The following SHE variants were observed in gnomAD, a reference collection of about 807,000 sequenced individuals.
The protein encoded by SHE is SH2 domain-containing adapter protein E.
Under a neutral mutation model 49.8 loss-of-function variants are expected in SHE, and 11 were observed. The observed-to-expected ratio is 0.22, with a 90% CI of 0.14 to 0.37. The LOEUF (loss-of-function observed/expected upper bound fraction) is 0.37. Ranked by LOEUF, SHE falls within the 10% of genes least tolerant of loss-of-function variation. The probability of loss-of-function intolerance (pLI) is 1.00; values close to 1 mark genes in which losing one functional copy is unlikely to be tolerated. For synonymous variants in SHE, 310 were observed against 278.1 expected, an observed-to-expected ratio of 1.11 and a Z score of -1.14; for missense variants, 624 against 655.5, an observed-to-expected ratio of 0.95 and a Z score of 0.52.
chr1:154,497,169 C>T (rs375706611), intron 2 of SHE, among the ~76,000 whole-genome samples: 3 of 152,346 alleles, frequency 2.0e-5, no homozygotes, highest in East Asian at 3.9e-4. Context: ...AAGCAGGAAG[C>T]GGAGCCAGGC....
chr1:154,491,890 T>C (rs766996220), intron 2 of SHE, among the ~76,000 whole-genome samples: 9 of 152,026 alleles, frequency 5.9e-5, no homozygotes, highest in African/African-American at 1.9e-4. Context: ...CCTTCAGTTA[T>C]GGGTGGCTGG....
At chr1:154,474,200 G>C (rs977300900) in intron 1 of SHE, among the ~76,000 whole-genome samples, 23 of 152,196 alleles carry the variant, frequency 1.5e-4, no homozygotes, top group African/African-American at 5.3e-4. Context: ...GGTTTGTCAC[G>C]TTTATCAGTG....
At chr1:154,499,262 G>A (rs781545853) in intron 1 of SHE, 24 bp from the exon 2 acceptor site, 11 of 1,605,916 alleles carry the variant, frequency 6.8e-6, no homozygotes, top group Non-Finnish European at 9.4e-6. Flanking sequence ...AGAGAGGACA[G>A]TTGCTAAGGG....
chr1:154,490,665 G>A (rs1399489876), intron 2 of SHE, among the ~76,000 whole-genome samples: 1 of 152,214 alleles, frequency 6.6e-6, no homozygotes, highest in Non-Finnish European at 1.5e-5. Flanking sequence ...AGGCCACAAA[G>A]GAGAGAGGCA....
Position 154,481,386 on chromosome 1 carries a change from C to T in SHE, c.*2763G>A. 1 of 985,420 alleles carries T rather than the reference C, an allele frequency of 1.0e-6. No individual in the cohort carries two copies. The highest frequency in any genetic ancestry group is 1.2e-6 in the Non-Finnish European group (1 of 829,906). 61.0% of individuals were successfully genotyped at this position (985,420 alleles called of 1,614,324 possible). On this transcript the variant is annotated 3_prime_UTR_variant, in exon 6 of 6. Transcript: ENST00000304760. ...ACTGGACAATATGTAAACTCTGCCT[C>T]TCCTCTACTTTTAATTCTATAAAGA...
chr1:154,499,612 T>C (rs183745072), intron 1 of SHE, among the ~76,000 whole-genome samples: 4 of 152,268 alleles, frequency 2.6e-5, no homozygotes, highest in African/African-American at 9.6e-5. Context: ...CCTTTATGAA[T>C]TGAGTTTTTT....
At chr1:154,472,503 C>T (rs527740302) in intron 1 of SHE, among the ~76,000 whole-genome samples, 3 of 152,256 alleles carry the variant, frequency 2.0e-5, no homozygotes, top group Admixed American at 6.5e-5. Context: ...GTGGCTGGAC[C>T]GTGAGTTCCA....
At chr1:154,492,892 T>G (rs1692409811) in intron 2 of SHE, among the ~76,000 whole-genome samples, 1 of 152,162 alleles carries the variant, frequency 6.6e-6, no homozygotes, top group Non-Finnish European at 1.5e-5. Flanking sequence ...GAGGTGATTC[T>G]AACATTAAGA....
Position 154,488,973 on chromosome 1 carries a change from A to C in SHE, c.1024+78T>G. ...AAGGAATATAAAGGTACCCACAAGG[A>C]AAAAAACAAATGTGGGGCTGATGCG... On this transcript the variant is annotated intron_variant, in intron 3 of 5. Coordinates refer to ENST00000304760, the MANE Select transcript of SHE (RefSeq NM_001010846.3). The C allele has an allele frequency of 1.4e-5, 21 of 1,484,838 alleles. No individual in the cohort carries two copies. The South Asian group carries it at 2.8e-4, about 20-fold the overall frequency. The allele number at this position is 1,484,838 out of a possible 1,614,324, so 92.0% of individuals were successfully genotyped here.
Position 154,483,175 on chromosome 1 carries a change from C to A in SHE, c.*974G>T. Reference sequence around the variant, plus strand: ...TTGGTGATTCTTAAACCTGGGGTATCTTCCTTCCTATTTATGCTTATCTCA... The same window carrying A: ...TTGGTGATTCTTAAACCTGGGGTATATTCCTTCCTATTTATGCTTATCTCA... On this transcript the variant is annotated 3_prime_UTR_variant, in exon 6 of 6. Coordinates refer to ENST00000304760, the MANE Select transcript of SHE (RefSeq NM_001010846.3). 1 of 985,358 alleles carries A rather than the reference C, an allele frequency of 1.0e-6. No homozygotes were observed. The highest frequency in any genetic ancestry group is 4.7e-5 in the South Asian group (1 of 21,278). 61.0% of individuals were successfully genotyped at this position (985,358 alleles called of 1,614,324 possible).
At position 154,501,682 on chromosome 1, in the gene SHE, G is replaced by A. The variant is rs1054362313; in HGVS notation, c.345C>T (p.Ala115=). 3 of 1,613,168 alleles carry A rather than the reference G, an allele frequency of 1.9e-6. No individual in the cohort carries two copies. Among genetic ancestry groups the A allele is most frequent in the Non-Finnish European group, 2.5e-6 (3 of 1,179,796 alleles). ...RDSLQGLIQA[A]AGKGRKNSRA... is the part of the protein sequence containing the mutation. ...GGGAGTTTTTGCGGCCCTTGCCCGCGGCGGCCTGAATCAGACCCTGCAGGC... is the reference window on the plus strand; with the variant it reads ...GGGAGTTTTTGCGGCCCTTGCCCGCAGCGGCCTGAATCAGACCCTGCAGGC... Residue 115 remains alanine (A), a synonymous_variant, in exon 1 of 6, where the codon GCC becomes GCT. Coordinates refer to ENST00000304760, the MANE Select transcript of SHE (RefSeq NM_001010846.3).
chr1:154,501,437 G>A lies in SHE; in HGVS notation c.590C>T (p.Thr197Met), dbSNP rs144880846. 1,473 of 1,613,994 alleles carry A rather than the reference G, an allele frequency of 9.1e-4. 4 individuals carry two copies. In the Admixed American group the frequency reaches 9.2e-3, roughly 10 times the overall value. ...DKGKIIKQQE[T>M]VIILEDYADP... ...GTCCAAGGGAGGCTGTATTCTTACC[G>A]TCTCTTGCTGCTTAATAATCTTGCC... Residue 197 changes from threonine to methionine, a missense_variant and splice_region_variant, in exon 1 of 6, where the codon ACG (threonine) becomes ATG (methionine). Transcript: ENST00000304760.
In SHE at chr1:154,479,979, T is replaced by C. The variant is rs1691976329; in HGVS notation, c.*4170A>G. On this transcript the variant is annotated 3_prime_UTR_variant, in exon 6 of 6. Transcript: ENST00000304760. ...CCCTACCCTTAAATGCACAGCTGCT[T>C]TTCCCAACTGCAGTTTTCTCTTTTC... The C allele has an allele frequency of 2.0e-6, 2 of 985,458 alleles. No homozygotes were observed. The highest frequency in any genetic ancestry group is 2.4e-6 in the Non-Finnish European group (2 of 829,938). 61.0% of individuals were successfully genotyped at this position (985,458 alleles called of 1,614,324 possible). A position where few individuals can be genotyped will look rare whatever the true frequency, so the allele number is the denominator to read the frequency against.
At chr1:154,486,407 C>G in intron 4 of SHE, 120 bp downstream of exon 4, 1 of 1,387,152 alleles carries the variant, frequency 7.2e-7, no homozygotes, top group East Asian at 2.3e-5. Context: ...ATTAAAAACC[C>G]CATCCAGGCA....
chr1:154,501,367 CT>C lies in SHE; in HGVS notation c.591+68del, dbSNP rs1329605661. ...CACTGCCTCTTAGGTCTAAAGAAGCCTAGGGCTTAGCAGGCGCCCAGGGCTC... is the reference window on the plus strand; with the variant it reads ...CACTGCCTCTTAGGTCTAAAGAAGCCAGGGCTTAGCAGGCGCCCAGGGCTC... On this transcript the variant is annotated intron_variant, in intron 1 of 5. Transcript: ENST00000304760. The C allele has an allele frequency of 5.4e-6, 8 of 1,488,444 alleles. No homozygotes were observed. In the East Asian group the frequency reaches 6.8e-5, roughly 13 times the overall value. The allele number at this position is 1,488,444 out of a possible 1,614,324, so 92.2% of individuals were successfully genotyped here. A position where few individuals can be genotyped will look rare whatever the true frequency, so the allele number is the denominator to read the frequency against.
At chr1:154,470,669 G>A (rs1162535852) in intron 1 of SHE, among the ~76,000 whole-genome samples, 2 of 151,928 alleles carry the variant, frequency 1.3e-5, no homozygotes, top group Non-Finnish European at 2.9e-5. Context: ...GCAAAACCCC[G>A]TCTCTACTAA....
chr1:154,475,670 ATTGT>A (rs1441256923), downstream of SHE, among the ~76,000 whole-genome samples: 3 of 152,220 alleles, frequency 2.0e-5, no homozygotes, highest in South Asian at 4.1e-4. Flanking sequence ...CCTATGAAAA[ATTGT>A]TTATTAAAAT....
chr1:154,502,142 C>G lies in SHE; in HGVS notation c.-116G>C, dbSNP rs1203543119. The G allele has an allele frequency of 1.2e-6, 1 of 855,850 alleles. No individual in the cohort carries two copies. The allele number at this position is 855,850 out of a possible 1,614,324, so 53.0% of individuals were successfully genotyped here. Reference sequence around the variant, plus strand: ...GTGGGGTTCTCACGGCTCGGGGCGCCGAGCGGGCGGGCGCTAGCCTCTGCT... The same window carrying G: ...GTGGGGTTCTCACGGCTCGGGGCGCGGAGCGGGCGGGCGCTAGCCTCTGCT... On this transcript the variant is annotated 5_prime_UTR_variant, in exon 1 of 6. Transcript: ENST00000304760.
At chr1:154,486,150 A>C in intron 4 of SHE, 88 bp from the exon 5 acceptor site, 1 of 1,550,214 alleles carries the variant, frequency 6.5e-7, no homozygotes. Flanking sequence ...GCGTTGTTTG[A>C]AATGAACTTC....
Sources: gnomAD v4.1 joint callset for allele counts (sites outside exome capture counted in the v4.1 genomes callset) on GRCh38, gnomAD v4.1.1 for gene constraint, MANE v1.5 for transcripts, NCBI Gene and HGNC (gene_info 2026-07-23, HGNC 2026-07-21) for gene names.